The following SFXN4 variants were observed in gnomAD, a reference collection of about 807,000 sequenced individuals.
SFXN4 encodes sideroflexin-4.
Under a neutral mutation model 54.6 loss-of-function variants are expected in SFXN4, and 48 were observed. That is an observed-to-expected ratio of 0.88 (90% CI 0.70 to 1.12). The LOEUF is 1.12. SFXN4 is among the 50% of genes most tolerant of loss of function. SFXN4 has a pLI of 0.00. For synonymous variants in SFXN4, 130 were observed against 145.5 expected, an observed-to-expected ratio of 0.89 and a Z score of 0.77; for missense variants, 383 against 409.2, an observed-to-expected ratio of 0.94 and a Z score of 0.55.
At position 119,144,403 on chromosome 10, in the gene SFXN4, G is replaced by T. The variant is rs180906066; in HGVS notation, c.936+1833C>A. ...ACCCGAGAGGTGGAGCTTGCAGTGA[G>T]CCGAGATTGCGCCACTGCACTCCAG... On this transcript the variant is annotated intron_variant, in intron 13 of 13. Coordinates refer to ENST00000355697, the MANE Select transcript of SFXN4 (RefSeq NM_213649.2). Among the ~76,000 whole-genome samples the T allele has an allele frequency of 2.4e-3, 372 of 152,196 alleles. 3 individuals carry two copies. Among genetic ancestry groups the T allele is most frequent in the East Asian group, 6.6e-3 (34 of 5,174 alleles).
At chr10:119,158,446 C>T (rs1000170489) in intron 6 of SFXN4, among the ~76,000 whole-genome samples, 3 of 151,240 alleles carry the variant, frequency 2.0e-5, no homozygotes, top group Non-Finnish European at 2.9e-5. Context: ...GGTGAAACCC[C>T]GTCTCTACGA....
chr10:119,165,242 C>T (rs1186622227), intron 1 of SFXN4: 3 of 1,128,922 alleles, frequency 2.7e-6, no homozygotes, highest in Non-Finnish European at 3.3e-6. Flanking sequence ...TGCTGCTCAG[C>T]CACAGCTCAG....
rs1239485792 is a variant in SFXN4, at chr10:119,141,416, A to G, written c.937-97T>C. On this transcript the variant is annotated intron_variant, in intron 13 of 13. Transcript: ENST00000355697. ...CATTTTCTGAAAGCAACCATTTCAC[A>G]GTCCATCTTTTTCAATAATGTCTAA... is the stretch of plus-strand genomic sequence containing the variant. The G allele has an allele frequency of 2.2e-5, 15 of 678,874 alleles. No individual in the cohort carries two copies. The South Asian group carries it at 2.5e-4, about 12-fold the overall frequency. The allele number at this position is 678,874 out of a possible 1,614,324, so 42.1% of individuals were successfully genotyped here.
chr10:119,162,362 C>A lies in SFXN4; in HGVS notation c.230G>T (p.Ser77Ile), dbSNP rs757118908. The change falls in exon 3 of 14, where the codon AGC (serine) becomes ATC (isoleucine). Residue 77 changes from serine (S) to isoleucine (I), a missense_variant. By Grantham distance (142) the Ser-to-Ile change is moderately radical (BLOSUM62 -2). Coordinates refer to ENST00000355697, the MANE Select transcript of SFXN4 (RefSeq NM_213649.2). ...QLLCTNEDVS[S>I]PASADQRIQE... ...TACCCTTTGGTCCGCCGAGGCAGGG[C>A]TGGAAACATCTTCATTTGTGCACAA... The A allele has an allele frequency of 6.2e-7, 1 of 1,614,186 alleles. No homozygotes were observed. The highest frequency in any genetic ancestry group is 1.7e-5 in the Admixed American group (1 of 60,016).
intron 13 of SFXN4, among the ~76,000 whole-genome samples, chr10:119,143,441 T>C (rs1449105145): frequency 6.6e-6 from 1 of 152,008 alleles, no homozygotes; most frequent in East Asian, 1.9e-4. Flanking sequence ...GCTCAGGTGA[T>C]CTTCCTACCT....
intron 3 of SFXN4, 59 bp from the exon 4 acceptor site, chr10:119,161,140 T>C (rs146735998): frequency 1.3e-6 from 2 of 1,564,396 alleles, no homozygotes; most frequent in African/African-American, 2.7e-5. Flanking sequence ...AGAGACAAGG[T>C]CTTGCTCTGT....
chr10:119,145,995 G>C (rs961175737), intron 13 of SFXN4, among the ~76,000 whole-genome samples: 4 of 151,926 alleles, frequency 2.6e-5, no homozygotes, highest in African/African-American at 9.7e-5. Flanking sequence ...GCTAATTTGT[G>C]TATTATTTTT....
At chr10:119,161,437 C>CAAAAAAAAAAAAAAAAAAAAACCAAA (rs1554888747) in intron 3 of SFXN4, among the ~76,000 whole-genome samples, 1 of 119,840 alleles carries the variant, frequency 8.3e-6, no homozygotes, top group African/African-American at 3.2e-5. Context: ...CAAAAAAAAA[C>CAAAAAAAAAAAAAAAAAAAAACCAAA]AAAAAAAAAA....
intron 11 of SFXN4, among the ~76,000 whole-genome samples, chr10:119,152,153 C>T (rs1342708872): frequency 1.3e-5 from 2 of 151,954 alleles, no homozygotes; most frequent in African/African-American, 2.4e-5. Context: ...TCAAACTATC[C>T]TCTTACAAAT....
intron 12 of SFXN4, among the ~76,000 whole-genome samples, chr10:119,146,848 G>A (rs1025965963): frequency 3.9e-5 from 6 of 152,128 alleles, no homozygotes; most frequent in Admixed American, 6.6e-5. Flanking sequence ...GATTACAGGC[G>A]TGAGCCACCG....
chr10:119,150,679 T>G (rs1045226544), intron 11 of SFXN4, among the ~76,000 whole-genome samples: 1 of 151,896 alleles, frequency 6.6e-6, no homozygotes, highest in Non-Finnish European at 1.5e-5. Context: ...TATAAATAAA[T>G]GAATAAATAA....
chr10:119,154,913 G>T (rs1300454543), intron 11 of SFXN4, 149 bp downstream of exon 11: 13 of 605,468 alleles, frequency 2.1e-5, no homozygotes, highest in Non-Finnish European at 3.9e-5. Flanking sequence ...TTATCAGGGG[G>T]CAAAATGAGA....
chr10:119,158,132 T>C, intron 6 of SFXN4, 70 bp from the exon 7 acceptor site: 2 of 1,428,420 alleles, frequency 1.4e-6, no homozygotes, highest in Non-Finnish European at 2.0e-6. Flanking sequence ...AGCAAAGAAC[T>C]TTCCAGGGGA....
At chr10:119,151,244 C>CTA (rs1847055475) in intron 11 of SFXN4, among the ~76,000 whole-genome samples, 1 of 151,910 alleles carries the variant, frequency 6.6e-6, no homozygotes, top group African/African-American at 2.4e-5. Context: ...TGGCGCATAC[C>CTA]TATAGTCCCA....
At chr10:119,153,674 A>G (rs1847164815) in intron 11 of SFXN4, among the ~76,000 whole-genome samples, 1 of 152,164 alleles carries the variant, frequency 6.6e-6, no homozygotes, top group African/African-American at 2.4e-5. Context: ...GCCCCCAATC[A>G]GCACACACTG....
At position 119,157,664 on chromosome 10, in the gene SFXN4, C is replaced by G; in HGVS notation, c.537+4G>C. 2.5e-6 allele frequency: 4 copies of G among 1,592,374 alleles called. No homozygotes were observed. The highest frequency in any genetic ancestry group is 3.4e-6 in the Non-Finnish European group (4 of 1,171,270). On this transcript the variant is annotated splice_donor_region_variant and intron_variant, in intron 9 of 13. Coordinates refer to ENST00000355697, the MANE Select transcript of SFXN4 (RefSeq NM_213649.2). ...AAGATTTGACAGATTCTAAAAATAC[C>G]TACTCCTAAGAAAGTTGAAGAAGCA...
At chr10:119,158,109 G>A (rs1847349017) in intron 6 of SFXN4, 47 bp from the exon 7 acceptor site, 2 of 1,572,190 alleles carry the variant, frequency 1.3e-6, no homozygotes, top group Non-Finnish European at 8.8e-7. Flanking sequence ...GCTGTGGAAG[G>A]AGAACTTGCA....
chr10:119,154,995 C>A (rs894175098), intron 11 of SFXN4, 67 bp downstream of exon 11: 2 of 1,077,058 alleles, frequency 1.9e-6, no homozygotes, highest in African/African-American at 3.1e-5. Context: ...TTGTCACCGG[C>A]TTTCAAACAG....
Position 119,157,919 on chromosome 10 carries a change from G to A in SFXN4, c.423C>T (p.Leu141=), listed in dbSNP as rs757774043. The A allele has an allele frequency of 6.2e-7, 1 of 1,614,238 alleles. No homozygotes were observed. Among genetic ancestry groups the A allele is most frequent in the Admixed American group, 1.7e-5 (1 of 60,020 alleles). The change falls in exon 8 of 14, where the codon CTC becomes CTT. Residue 141 remains leucine (L), a synonymous_variant. Coordinates refer to ENST00000355697, the MANE Select transcript of SFXN4 (RefSeq NM_213649.2). ...IKSVILPQVF[L]CAYMAAFNSI... is the part of the protein sequence containing the mutation. ...TGTTGAACGCTGCCATGTAGGCACAGAGGAAAACCTGCCGAGAGGGGCAAA... is the reference window on the plus strand; with the variant it reads ...TGTTGAACGCTGCCATGTAGGCACAAAGGAAAACCTGCCGAGAGGGGCAAA...
Sources: allele counts gnomAD v4.1 joint callset (sites outside exome capture counted in the v4.1 genomes callset), GRCh38; gene constraint gnomAD v4.1.1; transcripts MANE v1.5; gene names NCBI Gene and HGNC (gene_info 2026-07-23, HGNC 2026-07-21).